The following GK5 variants were observed in gnomAD, a reference collection of about 807,000 sequenced individuals.
GK5 encodes the protein glycerol kinase 5.
Under a neutral mutation model 77.3 loss-of-function variants are expected in GK5, and 39 were observed. That is an observed-to-expected ratio of 0.50 (90% confidence interval 0.39 to 0.66). GK5 has a LOEUF of 0.66. GK5 is among the 30% of genes least tolerant of loss of function. The pLI is 0.00. For synonymous variants in GK5, 211 were observed against 208.0 expected, an observed-to-expected ratio of 1.01 and a Z score of -0.13; for missense variants, 487 against 633.8, an observed-to-expected ratio of 0.77 and a Z score of 2.49.
At chr3:142,173,512 G>A (rs1380261792) in intron 12 of GK5, among the ~76,000 whole-genome samples, 5 of 151,868 alleles carry the variant, frequency 3.3e-5, no homozygotes, top group Admixed American at 2.0e-4. Context: ...GTGAAACCCC[G>A]TCTCTACTAA....
intron 15 of GK5, among the ~76,000 whole-genome samples, chr3:142,166,724 G>A (rs763738957): frequency 6.6e-6 from 1 of 152,138 alleles, no homozygotes; most frequent in African/African-American, 2.4e-5. Context: ...TAGTAGAGAC[G>A]TGGTTTCGCC....
rs1407448771 is a variant in GK5, at chr3:142,159,847, C to CTT, written c.*5774_*5775insAA. 4 of 103,152 alleles carry CTT rather than the reference C, an allele frequency of 3.9e-5. No homozygotes were observed. Among genetic ancestry groups the CTT allele is most frequent in the African/African-American group, 1.6e-4 (4 of 25,144 alleles). 6.4% of individuals were successfully genotyped at this position (103,152 alleles called of 1,614,324 possible). On this transcript the variant is annotated 3_prime_UTR_variant, in exon 16 of 16. Coordinates refer to ENST00000392993, the MANE Select transcript of GK5 (RefSeq NM_001039547.3). ...TGGGGCTTTCTCTCTCTCTCTCTCTCTCTCTCTTTTTTTTTTTTGAGACAG... is the reference window on the plus strand; with the variant it reads ...TGGGGCTTTCTCTCTCTCTCTCTCTCTTTCTCTCTTTTTTTTTTTTGAGACAG...
chr3:142,180,882 C>T (rs1042978597), intron 11 of GK5, among the ~76,000 whole-genome samples: 11 of 152,164 alleles, frequency 7.2e-5, no homozygotes, highest in Admixed American at 3.3e-4. Context: ...TTGAGCAGCA[C>T]ATGTGAAGAT....
chr3:142,223,851 G>T (rs1488639686), intron 1 of GK5, among the ~76,000 whole-genome samples: 1 of 152,034 alleles, frequency 6.6e-6, no homozygotes, highest in Non-Finnish European at 1.5e-5. Context: ...AGAAAAAAAA[G>T]AAAAACTTAA....
rs764387685 is a variant in GK5, at chr3:142,170,349, C to G, written c.1417G>C (p.Ala473Pro). 1.2e-6 allele frequency: 2 copies of G among 1,613,970 alleles called. No individual in the cohort carries two copies. The highest frequency in any genetic ancestry group is 8.5e-7 in the Non-Finnish European group (1 of 1,180,018). Residue 473 changes from alanine (A) to proline (P), a missense_variant, in exon 15 of 16, where the codon GCT becomes CCT. By Grantham distance (27) the Ala-to-Pro change is conservative. This residue lies in a region of GK5 where 65 missense variants were observed against 89.9 expected (regional missense o/e 0.72). Transcript: ENST00000392993. ...CCAACAGCAAGGCCAGCTAGAGAAGCTGCACCCAGGCATGACATGTCAATG... is the reference window on the plus strand; with the variant it reads ...CCAACAGCAAGGCCAGCTAGAGAAGGTGCACCCAGGCATGACATGTCAATG... ...ADIDMSCLGA[A>P]SLAGLAVGFW...
chr3:142,188,223 C>A (rs955906869), intron 5 of GK5, among the ~76,000 whole-genome samples: 1 of 151,932 alleles, frequency 6.6e-6, no homozygotes, highest in East Asian at 1.9e-4. Context: ...ATGGTGAAAC[C>A]CCATCTCTAC....
chr3:142,210,396 C>A (rs1266752514), intron 3 of GK5, among the ~76,000 whole-genome samples: 2 of 152,134 alleles, frequency 1.3e-5, no homozygotes, highest in African/African-American at 4.8e-5. Flanking sequence ...TGGCCCTGTG[C>A]TGTGCCCATC....
chr3:142,182,874 A>C lies in GK5; in HGVS notation c.943+49T>G, dbSNP rs747096883. ...ATAAGTATCACAGAAGTTAAATATG[A>C]ACAGAAGTGATATTTTATTAATAAA... On this transcript the variant is annotated intron_variant, in intron 10 of 15. Coordinates refer to ENST00000392993, the MANE Select transcript of GK5 (RefSeq NM_001039547.3). 5 of 1,365,378 alleles carry C rather than the reference A, an allele frequency of 3.7e-6. No individual in the cohort carries two copies. The South Asian group carries it at 6.1e-5, about 17-fold the overall frequency. 84.6% of individuals were successfully genotyped at this position (1,365,378 alleles called of 1,614,324 possible). A position where few individuals can be genotyped will look rare whatever the true frequency, so the allele number is the denominator to read the frequency against.
Position 142,186,518 on chromosome 3 carries a change from A to G in GK5, c.620-5T>C. The G allele has an allele frequency of 2.1e-6, 3 of 1,413,700 alleles. No individual in the cohort carries two copies. Among genetic ancestry groups the G allele is most frequent in the Non-Finnish European group, 2.9e-6 (3 of 1,023,106 alleles). 87.6% of individuals were successfully genotyped at this position (1,413,700 alleles called of 1,614,324 possible). A position where few individuals can be genotyped will look rare whatever the true frequency, so the allele number is the denominator to read the frequency against. On this transcript the variant is annotated splice_region_variant and splice_polypyrimidine_tract_variant and intron_variant, in intron 6 of 15. Coordinates refer to ENST00000392993, the MANE Select transcript of GK5 (RefSeq NM_001039547.3). ...AATCTGTGGCATATACAGAACCTAAATTTAAATAGGAAATAATACATTTAT... is the reference window on the plus strand; with the variant it reads ...AATCTGTGGCATATACAGAACCTAAGTTTAAATAGGAAATAATACATTTAT...
rs569953347 is a variant in GK5 at position 142,213,980 on chromosome 3, G to A, written c.242-379C>T. On this transcript the variant is annotated intron_variant, in intron 2 of 15. Transcript: ENST00000392993. ...TGGGATTATAGGTGTGCACCACCCT[G>A]CCTGGCTAATTTTTTGTATTTTTAG... Among the ~76,000 whole-genome samples the A allele has an allele frequency of 3.3e-5, 5 of 152,202 alleles. No homozygotes were observed. In the East Asian group the frequency reaches 9.6e-4, roughly 29 times the overall value.
At chr3:142,184,814 T>C (rs913783830) in intron 9 of GK5, 2 of 971,848 alleles carry the variant, frequency 2.1e-6, no homozygotes, top group Non-Finnish European at 2.4e-6. Flanking sequence ...TGCACTCCAG[T>C]CTGGGAGACA....
At chr3:142,206,847 T>C (rs772070188) in intron 3 of GK5, among the ~76,000 whole-genome samples, 1 of 152,232 alleles carries the variant, frequency 6.6e-6, no homozygotes, top group Non-Finnish European at 1.5e-5. Context: ...TGGTTTATTG[T>C]TCACGTGTAA....
chr3:142,225,544 C>A lies in GK5; in HGVS notation c.-89G>T, dbSNP rs1197167582. ...CTCCAGAGTCCCCGGGCGGCCCAACCCGGGCCCCAACCCGGCTCAGCCGGA... is the reference window on the plus strand; with the variant it reads ...CTCCAGAGTCCCCGGGCGGCCCAACACGGGCCCCAACCCGGCTCAGCCGGA... On this transcript the variant is annotated 5_prime_UTR_variant, in exon 1 of 16. Transcript: ENST00000392993. 6.7e-6 allele frequency: 10 copies of A among 1,481,512 alleles called. No homozygotes were observed. The highest frequency in any genetic ancestry group is 2.3e-4 in the Middle Eastern group (1 of 4,290). The allele number at this position is 1,481,512 out of a possible 1,614,324, so 91.8% of individuals were successfully genotyped here. A position where few individuals can be genotyped will look rare whatever the true frequency, so the allele number is the denominator to read the frequency against.
chr3:142,194,517 C>A (rs2063904154), intron 5 of GK5, among the ~76,000 whole-genome samples: 1 of 149,642 alleles, frequency 6.7e-6, no homozygotes, highest in Admixed American at 6.7e-5. Context: ...CAGAGTAAGA[C>A]TCCATCTCGA....
In GK5 at chr3:142,219,964, CTCAA is replaced by C. The variant is rs540989946; in HGVS notation, c.148-4276_148-4273del. On this transcript the variant is annotated intron_variant, in intron 1 of 15. Coordinates refer to ENST00000392993, the MANE Select transcript of GK5 (RefSeq NM_001039547.3). ...AGCCTGGGAGACAGAGGGAGACTGT[CTCAA>C]TCAATCAATCAATAAACAAATTTCA... Among the ~76,000 whole-genome samples the C allele has an allele frequency of 2.2e-4, 33 of 152,266 alleles. No homozygotes were observed. In the East Asian group the frequency reaches 6.0e-3, roughly 28 times the overall value.
chr3:142,186,093 C>T, intron 8 of GK5, 101 bp downstream of exon 8: 2 of 1,141,132 alleles, frequency 1.8e-6, no homozygotes, highest in East Asian at 2.4e-5. Flanking sequence ...ACATAATGAA[C>T]ATACAAGTCC....
chr3:142,215,632 G>T lies in GK5; in HGVS notation c.208C>A (p.Gln70Lys). 1 of 1,592,684 alleles carries T rather than the reference G, an allele frequency of 6.3e-7. No homozygotes were observed. Among genetic ancestry groups the T allele is most frequent in the African/African-American group, 1.3e-5 (1 of 74,418 alleles). The change falls in exon 2 of 16, where the codon CAA (glutamine) becomes AAA (lysine). Residue 70 changes from glutamine to lysine, a missense_variant. By Grantham distance (53) the Gln-to-Lys change is moderately conservative (BLOSUM62 1). Coordinates refer to ENST00000392993, the MANE Select transcript of GK5 (RefSeq NM_001039547.3). ...VEIDPDVLWI[Q>K]FVAVIKEAVK... is the part of the protein sequence containing the mutation. ...GCTTCTTTTATTACGGCAACAAATT[G>T]AATCCAAAGAACATCAGGATCAATT...
intron 12 of GK5, among the ~76,000 whole-genome samples, chr3:142,173,763 T>C (rs2063572318): frequency 6.6e-6 from 1 of 152,124 alleles, no homozygotes; most frequent in Non-Finnish European, 1.5e-5. Context: ...TCTCACAGTC[T>C]CACAAGGAAA....
intron 9 of GK5, among the ~76,000 whole-genome samples, chr3:142,183,942 A>C (rs1331731152): frequency 6.6e-6 from 1 of 151,868 alleles, no homozygotes; most frequent in Admixed American, 6.6e-5. Flanking sequence ...ACGACTTTTA[A>C]TTATCTATGA....
Sources: allele counts gnomAD v4.1 joint callset (sites outside exome capture counted in the v4.1 genomes callset), GRCh38; gene constraint gnomAD v4.1.1; regional missense constraint gnomAD v4.1.1; transcripts MANE v1.5; gene names NCBI Gene and HGNC (gene_info 2026-07-23, HGNC 2026-07-21).